SYPL1: variants seen among roughly 807,000 people sequenced by gnomAD.
SYPL1 encodes synaptophysin like 1.
In SYPL1, 6 loss-of-function variants were observed where a neutral mutation model predicts 23.7. That is an observed-to-expected ratio of 0.25 (90% CI 0.14 to 0.50). SYPL1 has a LOEUF of 0.50. Ranked by LOEUF, SYPL1 falls within the 20% of genes least tolerant of loss-of-function variation. The pLI is 0.98. For synonymous variants in SYPL1, 102 were observed against 104.5 expected, an observed-to-expected ratio of 0.98 and a Z score of 0.15; for missense variants, 253 against 288.9, an observed-to-expected ratio of 0.88 and a Z score of 0.90.
intron 1 of SYPL1, among the ~76,000 whole-genome samples, chr7:106,106,876 G>A (rs2116193162): frequency 6.6e-6 from 1 of 152,290 alleles, no homozygotes; most frequent in African/African-American, 2.4e-5. Context: ...TTTAAAAAGA[G>A]TTTGGAGCCT....
chr7:106,092,672 CAAAAAAAA>C, intron 4 of SYPL1: 3 of 270,026 alleles, frequency 1.1e-5, no homozygotes, highest in East Asian at 1.3e-4. Context: ...AACTCCATCT[CAAAAAAAA>C]AAAAAAAAAA....
rs1840247821 is a variant in SYPL1 at position 106,100,303 on chromosome 7, G to T, written c.70-1021C>A. On this transcript the variant is annotated intron_variant, in intron 1 of 4. Coordinates refer to ENST00000455385, the MANE Select transcript of SYPL1 (RefSeq NM_182715.4). The surrounding 1 kb of genome is among the most constrained non-coding windows in gnomAD (Gnocchi z 5.1). ...TAGAAGCAACCTAAATGTTGACAGG[G>T]AATCAAACTATAATTCATCCATTCA... 6.6e-6 allele frequency among the ~76,000 whole-genome samples: 1 copy of T among 152,110 alleles called. No individual in the cohort carries two copies. The highest frequency in any genetic ancestry group is 1.5e-5 in the Non-Finnish European group (1 of 68,022).
upstream of SYPL1, chr7:106,112,443 G>A: frequency 6.9e-7 from 1 of 1,453,104 alleles, no homozygotes; most frequent in Non-Finnish European, 9.0e-7. Context: ...GGGGCGGGCC[G>A]GGGCGGAGAC....
At chr7:106,108,504 T>TC (rs1338637970) in intron 1 of SYPL1, among the ~76,000 whole-genome samples, 4 of 152,150 alleles carry the variant, frequency 2.6e-5, no homozygotes, top group Middle Eastern at 3.4e-3. Context: ...GCCTTCTGAG[T>TC]CCCCTGGTCC....
chr7:106,102,985 T>C (rs1166705326), intron 1 of SYPL1, among the ~76,000 whole-genome samples: 1 of 152,050 alleles, frequency 6.6e-6, no homozygotes, highest in African/African-American at 2.4e-5. Context: ...AGAAAAAAAA[T>C]CTTAATCAAG....
In SYPL1 at chr7:106,097,556, T is replaced by C. The variant is rs1302097412; in HGVS notation, c.402+134A>G. ...TGAGTTAAACTTAATGGGAGAAAGC[T>C]CAACCTCGTGGCAAACACAGGCTAA... On this transcript the variant is annotated intron_variant, in intron 3 of 4. Coordinates refer to ENST00000455385, the MANE Select transcript of SYPL1 (RefSeq NM_182715.4). This position sits in a 1 kb window ranked among gnomAD's most constrained non-coding sequence, Gnocchi z 4.6. The C allele has an allele frequency of 4.1e-6, 3 of 725,888 alleles. No homozygotes were observed. In the African/African-American group the frequency reaches 5.3e-5, roughly 13 times the overall value. The allele number at this position is 725,888 out of a possible 1,614,324, so 45.0% of individuals were successfully genotyped here.
intron 1 of SYPL1, 123 bp downstream of exon 1, chr7:106,112,017 C>G: frequency 8.8e-7 from 1 of 1,134,948 alleles, no homozygotes; most frequent in East Asian, 4.2e-5. Flanking sequence ...CACTCCCAGT[C>G]CCGGGGCGGC....
At chr7:106,108,088 G>A (rs1203477137) in intron 1 of SYPL1, among the ~76,000 whole-genome samples, 2 of 152,002 alleles carry the variant, frequency 1.3e-5, no homozygotes, top group African/African-American at 2.4e-5. Flanking sequence ...CCAGCTACTC[G>A]GGAGACTAAG....
At chr7:106,108,665 C>T (rs570985886) in intron 1 of SYPL1, among the ~76,000 whole-genome samples, 1 of 152,282 alleles carries the variant, frequency 6.6e-6, no homozygotes, top group South Asian at 2.1e-4. Flanking sequence ...AAGTACTCAG[C>T]TCTATTTAAG....
rs1839746466 is a variant in SYPL1, at chr7:106,091,862, T to C, written c.669A>G (p.Pro223=). ...FVYKETSLHS[P]SNTSAPHSQG... ...GGCTATGAGGGGCAGATGTATTTGA[T>C]GGACTGTGTAGGCTGGTCTCCTTGT... The change falls in exon 5 of 5, where the codon CCA becomes CCG. Residue 223 remains proline, a synonymous_variant. Transcript: ENST00000455385. The surrounding 1 kb of genome is among the most constrained non-coding windows in gnomAD (Gnocchi z 5.0). The C allele has an allele frequency of 1.2e-6, 2 of 1,613,866 alleles. No individual in the cohort carries two copies. Among genetic ancestry groups the C allele is most frequent in the African/African-American group, 2.7e-5 (2 of 75,032 alleles).
chr7:106,099,779 G>C (rs1456208356), intron 1 of SYPL1, among the ~76,000 whole-genome samples: 2 of 152,092 alleles, frequency 1.3e-5, no homozygotes, highest in African/African-American at 4.8e-5. Flanking sequence ...CTGCAGCCCT[G>C]AACTCTCAAG....
intron 3 of SYPL1, among the ~76,000 whole-genome samples, chr7:106,094,683 T>C (rs1839928020): frequency 6.6e-6 from 1 of 152,200 alleles, no homozygotes; most frequent in African/African-American, 2.4e-5. Flanking sequence ...TGAGGTTATA[T>C]CGCATGTTAA....
chr7:106,092,592 G>A (rs1202207625), intron 4 of SYPL1: 3 of 332,186 alleles, frequency 9.0e-6, no homozygotes, highest in Non-Finnish European at 1.7e-5. Context: ...AGAATCACTT[G>A]AACCCAGGAG....
Position 106,096,330 on chromosome 7 carries a change from T to G in SYPL1, c.402+1360A>C, listed in dbSNP as rs1051483356. 4 of 152,238 alleles carry G rather than the reference T, an allele frequency of 2.6e-5. No individual in the cohort carries two copies. The highest frequency in any genetic ancestry group is 9.6e-5 in the African/African-American group (4 of 41,466). 9.4% of individuals were successfully genotyped at this position (152,238 alleles called of 1,614,324 possible). A position where few individuals can be genotyped will look rare whatever the true frequency, so the allele number is the denominator to read the frequency against. On this transcript the variant is annotated intron_variant, in intron 3 of 4. Coordinates refer to ENST00000455385, the MANE Select transcript of SYPL1 (RefSeq NM_182715.4). This position sits in a 1 kb window ranked among gnomAD's most constrained non-coding sequence, Gnocchi z 4.4. ...TATGATCCAGCAGCAAAATTAAAAA[T>G]AAATATGTAAATAAAACTTGTAATG...
Position 106,112,210 on chromosome 7 carries a change from C to G in SYPL1, c.-2G>C, listed in dbSNP as rs770080004. 8 of 1,542,394 alleles carry G rather than the reference C, an allele frequency of 5.2e-6. 1 individual carries two copies. The Middle Eastern group carries it at 7.1e-4, about 137-fold the overall frequency. On this transcript the variant is annotated 5_prime_UTR_variant, in exon 1 of 5. Coordinates refer to ENST00000455385, the MANE Select transcript of SYPL1 (RefSeq NM_182715.4). ...GAGGTTGATCTGGAAGCCGGACATC[C>G]TCTGAGGAAAGGAGGGAGAGAGAGT... is the stretch of plus-strand genomic sequence containing the variant.
rs1055484005 is a variant in SYPL1, at chr7:106,099,178, A to G, written c.174T>C (p.Ala58=). 1 of 1,612,238 alleles carries G rather than the reference A, an allele frequency of 6.2e-7. No homozygotes were observed. The highest frequency in any genetic ancestry group is 1.3e-5 in the African/African-American group (1 of 74,946). The change falls in exon 2 of 5, where the codon GCT becomes GCC. Residue 58 remains alanine (A), a synonymous_variant. Transcript: ENST00000455385. The stretch of plus-strand genomic sequence containing the variant: ...CTCACCTGAATGGATAACCAAAAGT[A>G]GCTGTAACAGTTTTATTCTCAGTAA... ...PAVTENKTVT[A]TFGYPFRLNE...
chr7:106,110,220 T>C (rs1396675790), intron 1 of SYPL1, among the ~76,000 whole-genome samples: 2 of 152,184 alleles, frequency 1.3e-5, no homozygotes, highest in Non-Finnish European at 2.9e-5. Flanking sequence ...TAGCATATAT[T>C]CCAACTAACC....
Position 106,112,169 on chromosome 7 carries a change from G to T in SYPL1, c.40C>A (p.Pro14Thr). The T allele has an allele frequency of 6.5e-7, 1 of 1,544,904 alleles. No individual in the cohort carries two copies. The highest frequency in any genetic ancestry group is 8.8e-7 in the Non-Finnish European group (1 of 1,138,192). Reference sequence around the variant, plus strand: ...TCGAGGACCTTGATGAAGCCGAGTGGCTCCTTGAGCGGGTTGAGGTTGATC... The same window carrying T: ...TCGAGGACCTTGATGAAGCCGAGTGTCTCCTTGAGCGGGTTGAGGTTGATC... ...FQINLNPLKE[P>T]LGFIKVLEWI... The change falls in exon 1 of 5, where the codon CCA (proline) becomes ACA (threonine). Residue 14 changes from proline (P) to threonine (T), a missense_variant. Physicochemically the swap from Pro to Thr is conservative, Grantham distance 38. Coordinates refer to ENST00000455385, the MANE Select transcript of SYPL1 (RefSeq NM_182715.4).
chr7:106,102,728 A>C (rs973873983), intron 1 of SYPL1, among the ~76,000 whole-genome samples: 1 of 152,218 alleles, frequency 6.6e-6, no homozygotes, highest in Non-Finnish European at 1.5e-5. Context: ...TTATTATCTC[A>C]CTTAATAAAA....
Sources: allele counts gnomAD v4.1 joint callset (sites outside exome capture counted in the v4.1 genomes callset), GRCh38; gene constraint gnomAD v4.1.1; non-coding constraint Gnocchi (gnomAD v3.1); transcripts MANE v1.5; gene names NCBI Gene and HGNC (gene_info 2026-07-23, HGNC 2026-07-21).